Variants in TMEM132C observed in about 807,000 individuals in gnomAD.
The protein encoded by TMEM132C is transmembrane protein 132C.
Under a neutral mutation model 61.4 loss-of-function variants are expected in TMEM132C, and 29 were observed. The ratio of observed to expected loss-of-function variants is 0.47; its 90% CI spans 0.35 to 0.64. The LOEUF is 0.64. TMEM132C is among the 30% of genes least tolerant of loss of function. The pLI is 0.00. For missense variants in TMEM132C, 1,408 were observed against 1,476.9 expected, an observed-to-expected ratio of 0.95 and a Z score of 0.76; for synonymous variants, 656 against 633.1, an observed-to-expected ratio of 1.04 and a Z score of -0.54.
At chr12:128,678,616 C>T (rs1954611702) in intron 5 of TMEM132C, among the ~76,000 whole-genome samples, 1 of 152,202 alleles carries the variant, frequency 6.6e-6, no homozygotes, top group South Asian at 2.1e-4. Context: ...CCCAGGCAGC[C>T]CTAGACCAGT....
intron 1 of TMEM132C, among the ~76,000 whole-genome samples, chr12:128,316,394 C>T (rs1872154425): frequency 6.6e-6 from 1 of 152,158 alleles, no homozygotes; most frequent in South Asian, 2.1e-4. Flanking sequence ...AAGATAGACC[C>T]AACGGACTTC....
chr12:128,305,786 G>C (rs1234949137), intron 1 of TMEM132C, among the ~76,000 whole-genome samples: 2 of 152,144 alleles, frequency 1.3e-5, no homozygotes, highest in African/African-American at 4.8e-5. Context: ...AGCTTTATCT[G>C]CGTCTGGATG....
At chr12:128,664,770 A>C (rs1287896806) in intron 4 of TMEM132C, among the ~76,000 whole-genome samples, 2 of 152,300 alleles carry the variant, frequency 1.3e-5, no homozygotes, top group East Asian at 3.9e-4. Context: ...ACCGCCAGCC[A>C]GCCATGCACA....
chr12:128,657,466 T>C (rs531844982), intron 4 of TMEM132C, among the ~76,000 whole-genome samples: 6 of 152,138 alleles, frequency 3.9e-5, no homozygotes, highest in African/African-American at 1.4e-4. Context: ...TGCAATGAGG[T>C]GATGCAGGGA....
At chr12:128,362,216 C>A (rs1873727758) in intron 1 of TMEM132C, among the ~76,000 whole-genome samples, 1 of 151,982 alleles carries the variant, frequency 6.6e-6, no homozygotes, top group Non-Finnish European at 1.5e-5. Flanking sequence ...AAAAACCTCA[C>A]AATAGACAGT....
intron 3 of TMEM132C, among the ~76,000 whole-genome samples, chr12:128,596,665 A>G (rs956759637): frequency 1.3e-5 from 2 of 148,886 alleles, no homozygotes; most frequent in Non-Finnish European, 3.0e-5. Flanking sequence ...GTCCTGGTAC[A>G]GAGGCAGCAG....
At chr12:128,491,733 C>A (rs11059716) in intron 2 of TMEM132C, among the ~76,000 whole-genome samples, 1 of 152,084 alleles carries the variant, frequency 6.6e-6, no homozygotes, top group Non-Finnish European at 1.5e-5. Context: ...TTCTCAAGGA[C>A]GAGGTTGTAC....
intron 2 of TMEM132C, among the ~76,000 whole-genome samples, chr12:128,463,137 G>A (rs940660995): frequency 3.2e-4 from 48 of 152,116 alleles, no homozygotes; most frequent in Admixed American, 3.1e-3. Context: ...AGGTCTTCCG[G>A]CTACCTCCAA....
chr12:128,531,141 G>C (rs1405089430), intron 2 of TMEM132C, among the ~76,000 whole-genome samples: 3 of 152,240 alleles, frequency 2.0e-5, no homozygotes, highest in African/African-American at 7.2e-5. Context: ...TTTTGCTGTA[G>C]GAGTAGCCCC....
At chr12:128,269,528 C>T (rs896716123) in intron 1 of TMEM132C, among the ~76,000 whole-genome samples, 1 of 152,054 alleles carries the variant, frequency 6.6e-6, no homozygotes, top group Non-Finnish European at 1.5e-5. Context: ...AAACTAGGGA[C>T]GTAGCGAAGC....
chr12:128,420,729 A>T (rs548773422), intron 2 of TMEM132C, among the ~76,000 whole-genome samples: 1 of 152,330 alleles, frequency 6.6e-6, no homozygotes, highest in African/African-American at 2.4e-5. Context: ...ATTTGTGGGC[A>T]CACTTGTGTG....
intron 2 of TMEM132C, among the ~76,000 whole-genome samples, chr12:128,515,544 G>C (rs1565959421): frequency 6.6e-6 from 1 of 152,176 alleles, no homozygotes; most frequent in Non-Finnish European, 1.5e-5. Context: ...GCAGTTGAAA[G>C]TATCTTTGGC....
At chr12:128,677,990 TA>T (rs1954607041) in intron 5 of TMEM132C, among the ~76,000 whole-genome samples, 1 of 152,246 alleles carries the variant, frequency 6.6e-6, no homozygotes, top group Non-Finnish European at 1.5e-5. Flanking sequence ...CCGTCAGCAC[TA>T]AACTTTCTCT....
Position 128,630,192 on chromosome 12 carries a change from A to G in TMEM132C, c.1305+13857A>G, listed in dbSNP as rs146129714. Among the ~76,000 whole-genome samples, 184 of 152,182 alleles carry G rather than the reference A, an allele frequency of 1.2e-3. No homozygotes were observed. Among genetic ancestry groups the G allele is most frequent in the Non-Finnish European group, 2.2e-3 (151 of 68,012 alleles). On this transcript the variant is annotated intron_variant, in intron 4 of 8. Coordinates refer to ENST00000435159, the MANE Select transcript of TMEM132C (RefSeq NM_001136103.3). The surrounding 1 kb of genome is among the most constrained non-coding windows in gnomAD (Gnocchi z 4.3). ...CAGGCGGCAAGCTGGCGGCAAGCCCAGGAATCTGCATCCCTAACAAGCTCC... is the reference window on the plus strand; with the variant it reads ...CAGGCGGCAAGCTGGCGGCAAGCCCGGGAATCTGCATCCCTAACAAGCTCC...
intron 2 of TMEM132C, among the ~76,000 whole-genome samples, chr12:128,536,003 G>C (rs1164430213): frequency 6.6e-6 from 1 of 152,146 alleles, no homozygotes; most frequent in Non-Finnish European, 1.5e-5. Context: ...AGGATCTAGA[G>C]CTAGAATTAC....
intron 1 of TMEM132C, among the ~76,000 whole-genome samples, chr12:128,386,786 G>A (rs1029346577): frequency 7.2e-5 from 11 of 152,162 alleles, no homozygotes; most frequent in African/African-American, 2.4e-4. Flanking sequence ...AGGTCCTGAT[G>A]CGTAGTAGAT....
intron 1 of TMEM132C, among the ~76,000 whole-genome samples, chr12:128,393,944 G>T: frequency 6.6e-6 from 1 of 152,244 alleles, no homozygotes; most frequent in Middle Eastern, 3.4e-3. Context: ...AAGTGCATGC[G>T]AGGCTGAGAT....
At chr12:128,271,273 A>AATAAT (rs1870508659) in intron 1 of TMEM132C, among the ~76,000 whole-genome samples, 1 of 30,010 alleles carries the variant, frequency 3.3e-5, no homozygotes, top group Non-Finnish European at 6.0e-5. Context: ...ATAATATAAT[A>AATAAT]ATAATAATAA....
chr12:128,562,271 GA>G (rs1565975081), intron 3 of TMEM132C, among the ~76,000 whole-genome samples: 1 of 152,170 alleles, frequency 6.6e-6, no homozygotes, highest in African/African-American at 2.4e-5. Context: ...AAAGCGGTAC[GA>G]AAAGAGACAG....
Sources: allele counts gnomAD v4.1 joint callset (sites outside exome capture counted in the v4.1 genomes callset), GRCh38; gene constraint gnomAD v4.1.1; non-coding constraint Gnocchi (gnomAD v3.1); transcripts MANE v1.5; gene names NCBI Gene and HGNC (gene_info 2026-07-23, HGNC 2026-07-21).